The following SENP7 variants were observed in gnomAD, a reference collection of about 807,000 sequenced individuals.
SENP7 encodes the protein SUMO specific peptidase 7, also known as sentrin-specific protease 7.
SENP7 carries 64 observed loss-of-function variants against 141.2 expected under a neutral mutation model. The ratio of observed to expected loss-of-function variants is 0.45; its 90% CI spans 0.37 to 0.56. SENP7 has a LOEUF of 0.56. SENP7 is among the 20% of genes least tolerant of loss of function. The pLI is 0.00. For missense variants in SENP7, 1,025 were observed against 1,212.2 expected (o/e 0.85, Z 2.29); for synonymous variants, 382 against 426.4 (o/e 0.90, Z 1.28).
At chr3:101,478,607 C>G (rs778666001) in intron 3 of SENP7, among the ~76,000 whole-genome samples, 66 of 152,158 alleles carry the variant, frequency 4.3e-4, no homozygotes, top group Admixed American at 1.1e-3. Context: ...TTGCCAATTT[C>G]TACCAAACTT....
intron 6 of SENP7, among the ~76,000 whole-genome samples, chr3:101,379,275 T>C (rs2060428080): frequency 2.6e-5 from 4 of 152,158 alleles, no homozygotes; most frequent in Admixed American, 2.6e-4. Context: ...TAAAGCTATT[T>C]TGAAAATTCT....
chr3:101,429,991 A>C (rs1190936532), intron 4 of SENP7, among the ~76,000 whole-genome samples: 1 of 151,948 alleles, frequency 6.6e-6, no homozygotes, highest in Admixed American at 6.6e-5. Flanking sequence ...GATTACGTTT[A>C]TTGATTTGTG....
rs753592103 is a variant in SENP7 at position 101,345,191 on chromosome 3, G to A, written c.1838-1237C>T. ...TTGCTTAGTCTTGCTTTGGCTATGT[G>A]AGCTCTTTTTTGGTTCCATATGAAT... On this transcript the variant is annotated intron_variant, in intron 13 of 23. Coordinates refer to ENST00000394095, the MANE Select transcript of SENP7 (RefSeq NM_020654.5). 7.8e-4 allele frequency among the ~76,000 whole-genome samples: 117 copies of A among 150,478 alleles called. 2 individuals carry two copies. Among genetic ancestry groups the A allele is most frequent in the Non-Finnish European group, 1.5e-3 (102 of 67,550 alleles).
chr3:101,457,001 T>G (rs1272193004), intron 4 of SENP7, among the ~76,000 whole-genome samples: 1 of 152,080 alleles, frequency 6.6e-6, no homozygotes, highest in Non-Finnish European at 1.5e-5. Flanking sequence ...GCAAAGAACT[T>G]TATTAACCTT....
At chr3:101,359,636 G>C (rs1174737916) in intron 11 of SENP7, among the ~76,000 whole-genome samples, 2 of 151,500 alleles carry the variant, frequency 1.3e-5, no homozygotes, top group Non-Finnish European at 2.9e-5. Context: ...AATTTTTAAA[G>C]ACAACCCAAA....
chr3:101,475,931 C>G (rs1178836153), intron 3 of SENP7, among the ~76,000 whole-genome samples: 1 of 152,054 alleles, frequency 6.6e-6, no homozygotes, highest in South Asian at 2.1e-4. Flanking sequence ...CCACTTTCAA[C>G]ATGCAGAAGG....
At chr3:101,491,967 C>A (rs1460264569) in intron 3 of SENP7, among the ~76,000 whole-genome samples, 2 of 152,108 alleles carry the variant, frequency 1.3e-5, no homozygotes, top group Non-Finnish European at 2.9e-5. Flanking sequence ...TGGCACATGC[C>A]AGTAATCCCA....
chr3:101,442,362 A>G (rs1365721184), intron 4 of SENP7, among the ~76,000 whole-genome samples: 1 of 152,182 alleles, frequency 6.6e-6, no homozygotes, highest in Non-Finnish European at 1.5e-5. Flanking sequence ...TCCATCTCAT[A>G]TCATCAGGCA....
chr3:101,499,127 A>G (rs1269848194), intron 2 of SENP7, among the ~76,000 whole-genome samples: 1 of 152,168 alleles, frequency 6.6e-6, no homozygotes, highest in Non-Finnish European at 1.5e-5. Context: ...CTTTTCTGTA[A>G]GTCTCAACTT....
intron 4 of SENP7, among the ~76,000 whole-genome samples, chr3:101,437,243 G>C (rs763948425): frequency 1.3e-5 from 2 of 152,164 alleles, no homozygotes; most frequent in African/African-American, 2.4e-5. Context: ...GTGGGCTGAG[G>C]GGGGCAGGTG....
chr3:101,340,517 G>C (rs896506068), intron 15 of SENP7: 1 of 216,924 alleles, frequency 4.6e-6, no homozygotes, highest in Non-Finnish European at 8.9e-6. Flanking sequence ...TACCATTGAA[G>C]ATGTTGCTCT....
In SENP7 at chr3:101,341,700, G is replaced by A. The variant is rs750587325; in HGVS notation, c.2186C>T (p.Thr729Ile). 1.2e-6 allele frequency: 2 copies of A among 1,611,692 alleles called. No individual in the cohort carries two copies. The change falls in exon 15 of 24, where the codon ACA (threonine) becomes ATA (isoleucine). Residue 729 changes from threonine (T) to isoleucine (I), a missense_variant. Physicochemically the swap from Thr to Ile is moderately conservative, Grantham distance 89. Around this residue, in one of 4 missense-constraint regions of SENP7, gnomAD observed 295 missense variants for 459.1 expected, o/e 0.64. Transcript: ENST00000394095. ...QSSGCYSLSI[T>I]SNPDEEWREV... is the part of the protein sequence containing the mutation. ...TCGCCATTCTTCATCTGGATTAGAT[G>A]TAATAGAAAGGGAGTAGCAACCGCT...
intron 3 of SENP7, among the ~76,000 whole-genome samples, chr3:101,477,564 T>C (rs1441780264): frequency 6.6e-6 from 1 of 152,034 alleles, no homozygotes; most frequent in African/African-American, 2.4e-5. Flanking sequence ...ACAAAATTAG[T>C]AAATGGCCGG....
At chr3:101,382,425 C>T (rs2060529377) in intron 6 of SENP7, among the ~76,000 whole-genome samples, 1 of 152,144 alleles carries the variant, frequency 6.6e-6, no homozygotes, top group African/African-American at 2.4e-5. Flanking sequence ...CTCAAGCCAT[C>T]CTCCTATCTT....
rs539553465 is a variant in SENP7, at chr3:101,471,233, A to G, written c.187-12181T>C. On this transcript the variant is annotated intron_variant, in intron 3 of 23. Coordinates refer to ENST00000394095, the MANE Select transcript of SENP7 (RefSeq NM_020654.5). Reference sequence around the variant, plus strand: ...AAAAGAACAAAGCTGGAGGCATCACACTACCTGACTTCAAACTATACTACA... The same window carrying G: ...AAAAGAACAAAGCTGGAGGCATCACGCTACCTGACTTCAAACTATACTACA... Among the ~76,000 whole-genome samples the G allele has an allele frequency of 1.2e-4, 19 of 152,210 alleles. 1 individual carries two copies. In the South Asian group the frequency reaches 2.3e-3, roughly 18 times the overall value.
intron 18 of SENP7, 77 bp from the exon 19 acceptor site, chr3:101,332,186 G>A: frequency 2.2e-6 from 3 of 1,355,886 alleles, no homozygotes; most frequent in Admixed American, 4.6e-5. Flanking sequence ...ATACATCTGA[G>A]AAAGTGAGAA....
At chr3:101,431,720 G>C (rs913792945) in intron 4 of SENP7, among the ~76,000 whole-genome samples, 1 of 151,698 alleles carries the variant, frequency 6.6e-6, no homozygotes, top group Non-Finnish European at 1.5e-5. Context: ...GGAGGCAGAG[G>C]TTGCAGTGCA....
At position 101,454,417 on chromosome 3, in the gene SENP7, C is replaced by T. The variant is rs1323174898; in HGVS notation, c.284+4538G>A. On this transcript the variant is annotated intron_variant, in intron 4 of 23. Transcript: ENST00000394095. ...GTCCCAACTACTTGGTGGGCTGAGG[C>T]GGGAGGATCGCTTGAGCCTGGGAGA... is the stretch of plus-strand genomic sequence containing the variant. Among the ~76,000 whole-genome samples the T allele has an allele frequency of 7.9e-5, 12 of 152,062 alleles. No individual in the cohort carries two copies. The East Asian group carries it at 1.4e-3, about 17-fold the overall frequency.
At chr3:101,456,148 T>TTATA (rs1319166348) in intron 4 of SENP7, among the ~76,000 whole-genome samples, 1 of 134,530 alleles carries the variant, frequency 7.4e-6, no homozygotes, top group Admixed American at 8.5e-5. Flanking sequence ...AGATAATTAG[T>TTATA]TATATATATA....
Sources: allele counts gnomAD v4.1 joint callset (sites outside exome capture counted in the v4.1 genomes callset), GRCh38; gene constraint gnomAD v4.1.1; regional missense constraint gnomAD v4.1.1; transcripts MANE v1.5; gene names NCBI Gene and HGNC (gene_info 2026-07-23, HGNC 2026-07-21).